GLO1: variants seen among roughly 807,000 people sequenced by gnomAD.
The protein encoded by GLO1 is lactoylglutathione lyase.
Under a neutral mutation model 26.0 loss-of-function variants are expected in GLO1, and 28 were observed. That is an observed-to-expected ratio of 1.08 (90% CI 0.80 to 1.48). GLO1 has a LOEUF of 1.48. Ranked by LOEUF, GLO1 falls within the 40% of genes most tolerant of loss-of-function variation. The probability of loss-of-function intolerance (pLI) is 0.00; values close to 1 mark genes in which losing one functional copy is unlikely to be tolerated. For missense variants in GLO1, 225 were observed against 224.8 expected, an observed-to-expected ratio of 1.00 and a Z score of -0.01; for synonymous variants, 78 against 77.6, an observed-to-expected ratio of 1.00 and a Z score of -0.03.
chr6:38,695,491 G>A (rs544720684), intron 1 of GLO1, among the ~76,000 whole-genome samples: 9 of 152,012 alleles, frequency 5.9e-5, no homozygotes, highest in South Asian at 2.1e-4. Context: ...ACCTTCTCCC[G>A]CTTATAATTA....
chr6:38,690,607 T>C (rs1166634206), intron 1 of GLO1, among the ~76,000 whole-genome samples: 1 of 152,128 alleles, frequency 6.6e-6, no homozygotes, highest in Non-Finnish European at 1.5e-5. Flanking sequence ...TTGAGATTAA[T>C]TATATCTTAA....
At chr6:38,687,166 C>T in intron 1 of GLO1, 192 bp from the exon 2 acceptor site, 6 of 902,652 alleles carry the variant, frequency 6.6e-6, no homozygotes, top group Non-Finnish European at 8.0e-6. Context: ...AGAAAGTTTC[C>T]ACTGCAGGAA....
At chr6:38,693,706 T>TATATATATA (rs57910685) in intron 1 of GLO1, among the ~76,000 whole-genome samples, 2 of 147,524 alleles carry the variant, frequency 1.4e-5, no homozygotes, top group Non-Finnish European at 3.0e-5. Flanking sequence ...TATATATATA[T>TATATATATA]TTGTTTTGTT....
At chr6:38,699,911 T>C (rs555659600) in intron 1 of GLO1, among the ~76,000 whole-genome samples, 1 of 152,210 alleles carries the variant, frequency 6.6e-6, no homozygotes, top group Admixed American at 6.5e-5. Flanking sequence ...TCAGTAGTTC[T>C]GCTTTTGCCC....
intron 1 of GLO1, among the ~76,000 whole-genome samples, chr6:38,693,815 A>C (rs1248695264): frequency 6.6e-6 from 1 of 151,874 alleles, no homozygotes; most frequent in African/African-American, 2.4e-5. Flanking sequence ...GGTTCACGCC[A>C]TTCTCCTGCT....
At chr6:38,680,309 G>A (rs1761351768) in intron 5 of GLO1, among the ~76,000 whole-genome samples, 2 of 151,892 alleles carry the variant, frequency 1.3e-5, no homozygotes, top group African/African-American at 4.8e-5. Flanking sequence ...ATCACCTGAG[G>A]TTGGGATTTT....
intron 1 of GLO1, among the ~76,000 whole-genome samples, chr6:38,701,619 T>A (rs562715360): frequency 6.6e-6 from 1 of 152,298 alleles, no homozygotes; most frequent in East Asian, 1.9e-4. Context: ...GATATACAAG[T>A]GAGATGGGCA....
chr6:38,702,329 G>C lies in GLO1; in HGVS notation c.84+642C>G, dbSNP rs1761716034. Among the ~76,000 whole-genome samples, 3 of 152,302 alleles carry C rather than the reference G, an allele frequency of 2.0e-5. No individual in the cohort carries two copies. The South Asian group carries it at 6.2e-4, about 32-fold the overall frequency. Reference sequence around the variant, plus strand: ...GTTCGGTAAGTGAAAGCCTTTGTATGCAACAGGTCATTTCTCTTACTGGGT... The same window carrying C: ...GTTCGGTAAGTGAAAGCCTTTGTATCCAACAGGTCATTTCTCTTACTGGGT... On this transcript the variant is annotated intron_variant, in intron 1 of 5. Coordinates refer to ENST00000373365, the MANE Select transcript of GLO1 (RefSeq NM_006708.3).
chr6:38,679,793 CA>C (rs58819710), intron 5 of GLO1, among the ~76,000 whole-genome samples: 55,975 of 124,470 alleles, frequency 0.45, 10,622 homozygotes, highest in Non-Finnish European at 0.46. Flanking sequence ...GACTCTGTCT[CA>C]AAAAAAAAAA....
intron 2 of GLO1, 86 bp downstream of exon 2, chr6:38,686,806 A>G: frequency 1.3e-6 from 1 of 762,414 alleles, no homozygotes; most frequent in Non-Finnish European, 2.2e-6. Flanking sequence ...CTTCTGAAAC[A>G]AACTTTAAGA....
intron 1 of GLO1, among the ~76,000 whole-genome samples, chr6:38,697,984 TGA>T (rs1761636550): frequency 6.6e-6 from 1 of 152,250 alleles, no homozygotes; most frequent in African/African-American, 2.4e-5. Flanking sequence ...TCAACACATT[TGA>T]GAGACAGTCC....
chr6:38,693,494 C>T (rs943628308), intron 1 of GLO1, among the ~76,000 whole-genome samples: 2 of 151,928 alleles, frequency 1.3e-5, no homozygotes, highest in Admixed American at 6.6e-5. Context: ...TAATTCCTTC[C>T]TTCTGCTTCC....
rs559095309 is a variant in GLO1, at chr6:38,686,772, T to A, written c.167+120A>T. Reference sequence around the variant, plus strand: ...TGTCCAGCCAGGCCTAATCACAGACTCCTGGCCAAAAGAACTTCTGTTACT... The same window carrying A: ...TGTCCAGCCAGGCCTAATCACAGACACCTGGCCAAAAGAACTTCTGTTACT... On this transcript the variant is annotated intron_variant, in intron 2 of 5. Coordinates refer to ENST00000373365, the MANE Select transcript of GLO1 (RefSeq NM_006708.3). 122 of 615,408 alleles carry A rather than the reference T, an allele frequency of 2.0e-4. 1 individual carries two copies. The African/African-American group carries it at 2.0e-3, about 10-fold the overall frequency. The allele number at this position is 615,408 out of a possible 1,614,324, so 38.1% of individuals were successfully genotyped here. A position where few individuals can be genotyped will look rare whatever the true frequency, so the allele number is the denominator to read the frequency against.
chr6:38,699,831 C>T (rs776049856), intron 1 of GLO1, among the ~76,000 whole-genome samples: 2 of 152,178 alleles, frequency 1.3e-5, no homozygotes, highest in Non-Finnish European at 2.9e-5. Context: ...AATACGTGCA[C>T]TGCTGAACAT....
At chr6:38,695,263 T>G (rs1761591921) in intron 1 of GLO1, among the ~76,000 whole-genome samples, 1 of 152,158 alleles carries the variant, frequency 6.6e-6, no homozygotes, top group Non-Finnish European at 1.5e-5. Flanking sequence ...TTGTATAGCT[T>G]TTTAAATGGT....
At chr6:38,681,145 C>G (rs1399400962) in intron 5 of GLO1, among the ~76,000 whole-genome samples, 2 of 152,046 alleles carry the variant, frequency 1.3e-5, no homozygotes, top group Non-Finnish European at 2.9e-5. Context: ...CTCACTGCAA[C>G]CTCCACCTCC....
At chr6:38,701,056 G>A (rs1381292075) in intron 1 of GLO1, among the ~76,000 whole-genome samples, 3 of 152,154 alleles carry the variant, frequency 2.0e-5, no homozygotes, top group African/African-American at 7.2e-5. Context: ...TGGGATTACA[G>A]GCATGAGCCA....
chr6:38,700,125 C>T (rs1761676474), intron 1 of GLO1, among the ~76,000 whole-genome samples: 1 of 152,204 alleles, frequency 6.6e-6, no homozygotes, highest in Non-Finnish European at 1.5e-5. Flanking sequence ...CTGTAAAATT[C>T]CTCTCTTTGT....
intron 3 of GLO1, among the ~76,000 whole-genome samples, chr6:38,683,590 C>T (rs539506622): frequency 2.0e-5 from 3 of 152,102 alleles, no homozygotes; most frequent in Admixed American, 2.0e-4. Context: ...ATTCTCTTAT[C>T]TAAAAGACAA....
Sources: allele counts gnomAD v4.1 joint callset (sites outside exome capture counted in the v4.1 genomes callset), GRCh38; gene constraint gnomAD v4.1.1; transcripts MANE v1.5; gene names NCBI Gene and HGNC (gene_info 2026-07-23, HGNC 2026-07-21).